MCTP1: variants seen among roughly 807,000 people sequenced by gnomAD.
MCTP1 encodes multiple C2 and transmembrane domain containing 1, also known as multiple C2 and transmembrane domain-containing protein 1.
Under a neutral mutation model 120.6 loss-of-function variants are expected in MCTP1, and 69 were observed. The observed-to-expected ratio is 0.57, with a 90% CI of 0.47 to 0.70. MCTP1 has a LOEUF of 0.70. Ranked by LOEUF, MCTP1 falls within the 30% of genes least tolerant of loss-of-function variation. The pLI, the probability that MCTP1 is intolerant of heterozygous loss-of-function variation, is 0.00. For synonymous variants in MCTP1, 529 were observed against 493.1 expected (o/e 1.07, Z -0.96); for missense variants, 1,203 against 1,248.8 (o/e 0.96, Z 0.55).
chr5:95,139,613 G>T (rs1759743185), intron 1 of MCTP1, among the ~76,000 whole-genome samples: 1 of 152,050 alleles, frequency 6.6e-6, no homozygotes, highest in African/African-American at 2.4e-5. Flanking sequence ...ATAAATTCTT[G>T]CTACTCACCA....
intron 2 of MCTP1, among the ~76,000 whole-genome samples, chr5:94,971,347 G>A (rs955489078): frequency 2.6e-5 from 4 of 151,718 alleles, no homozygotes; most frequent in Non-Finnish European, 5.9e-5. Flanking sequence ...TCCCTTTTAG[G>A]TAAACAATGA....
At chr5:94,871,500 C>A in intron 13 of MCTP1, 83 bp from the exon 14 acceptor site, 1 of 912,944 alleles carries the variant, frequency 1.1e-6, no homozygotes, top group Non-Finnish European at 1.8e-6. Context: ...TTAGATAGCT[C>A]CAGCTGATTT....
intron 18 of MCTP1, among the ~76,000 whole-genome samples, chr5:94,787,781 T>G (rs914740520): frequency 2.6e-5 from 4 of 152,118 alleles, no homozygotes; most frequent in African/African-American, 9.7e-5. Context: ...CGCGCCCGGC[T>G]AATTTTTTTG....
chr5:94,779,004 T>C, intron 19 of MCTP1, 106 bp downstream of exon 19: 1 of 975,190 alleles, frequency 1.0e-6, no homozygotes. Context: ...ACTGTCCAAT[T>C]TTCTGGACTC....
chr5:95,119,968 C>A (rs531187955), intron 1 of MCTP1, among the ~76,000 whole-genome samples: 2 of 151,814 alleles, frequency 1.3e-5, no homozygotes, highest in Non-Finnish European at 1.5e-5. Flanking sequence ...GTCAGGAGAT[C>A]GAGACCATCC....
At chr5:94,780,348 T>A (rs147149416) in intron 18 of MCTP1, among the ~76,000 whole-genome samples, 1 of 152,158 alleles carries the variant, frequency 6.6e-6, no homozygotes, top group African/African-American at 2.4e-5. Context: ...AAGAGTTACA[T>A]AAACTGAGAT....
intron 10 of MCTP1, among the ~76,000 whole-genome samples, chr5:94,900,125 A>G (rs1805119967): frequency 6.6e-6 from 1 of 152,090 alleles, no homozygotes; most frequent in South Asian, 2.1e-4. Flanking sequence ...CTCACTTACA[A>G]CTTATCATTC....
chr5:95,057,035 AG>A (rs1747574251), intron 1 of MCTP1, among the ~76,000 whole-genome samples: 1 of 152,204 alleles, frequency 6.6e-6, no homozygotes, highest in Non-Finnish European at 1.5e-5. Flanking sequence ...TAAGATTAAA[AG>A]GGGATTGAAA....
chr5:95,192,848 C>A (rs1264275008), intron 1 of MCTP1, among the ~76,000 whole-genome samples: 1 of 152,054 alleles, frequency 6.6e-6, no homozygotes, highest in Non-Finnish European at 1.5e-5. Flanking sequence ...ACATTTCCTT[C>A]CTATTTTTCC....
chr5:95,213,966 T>C (rs1407178806), intron 1 of MCTP1, among the ~76,000 whole-genome samples: 3 of 152,056 alleles, frequency 2.0e-5, no homozygotes, highest in Non-Finnish European at 4.4e-5. Context: ...AAGGACTTCA[T>C]GTCTAAAACA....
intron 18 of MCTP1, among the ~76,000 whole-genome samples, chr5:94,780,030 T>C (rs1776239226): frequency 6.6e-6 from 1 of 152,122 alleles, no homozygotes; most frequent in African/African-American, 2.4e-5. Context: ...CATACACATA[T>C]GCATGCCACA....
At chr5:94,759,573 A>G (rs753942039) in intron 19 of MCTP1, among the ~76,000 whole-genome samples, 4 of 152,208 alleles carry the variant, frequency 2.6e-5, no homozygotes, top group Non-Finnish European at 5.9e-5. Context: ...CGTCTAAAAC[A>G]CTTAAAAAGC....
intron 1 of MCTP1, among the ~76,000 whole-genome samples, chr5:95,179,785 G>A (rs760079842): frequency 7.9e-5 from 12 of 151,980 alleles, no homozygotes; most frequent in African/African-American, 1.7e-4. Context: ...AATAAACAAG[G>A]TATTCAGGCA....
At chr5:94,764,285 A>T (rs1029739319) in intron 19 of MCTP1, among the ~76,000 whole-genome samples, 13 of 152,232 alleles carry the variant, frequency 8.5e-5, no homozygotes, top group African/African-American at 2.7e-4. Context: ...GGCAGGTGAC[A>T]TTGTCACCAC....
At chr5:95,130,253 GATTAATACAGTAAGAAA>G (rs565347886) in intron 1 of MCTP1, among the ~76,000 whole-genome samples, 1 of 152,240 alleles carries the variant, frequency 6.6e-6, no homozygotes, top group African/African-American at 2.4e-5. Context: ...GAAGAAGCCT[GATTAATACAGTAAGAAA>G]AACGTGTCTC....
intron 17 of MCTP1, among the ~76,000 whole-genome samples, chr5:94,844,627 T>C (rs1247488616): frequency 1.3e-5 from 2 of 152,120 alleles, no homozygotes; most frequent in Non-Finnish European, 2.9e-5. Flanking sequence ...TAAGAAGGAA[T>C]GAAGGGCATC....
At chr5:95,069,762 A>G (rs540577327) in intron 1 of MCTP1, among the ~76,000 whole-genome samples, 1 of 149,660 alleles carries the variant, frequency 6.7e-6, no homozygotes, top group Admixed American at 6.7e-5. Context: ...GCAGTGGTGC[A>G]ATCTCTGCTC....
At chr5:94,951,619 C>T (rs1468815310) in intron 3 of MCTP1, among the ~76,000 whole-genome samples, 1 of 152,170 alleles carries the variant, frequency 6.6e-6, no homozygotes, top group Non-Finnish European at 1.5e-5. Context: ...CCCACCTCCC[C>T]ACCCCAGAAA....
chr5:95,187,924 A>T (rs1382029584), intron 1 of MCTP1, among the ~76,000 whole-genome samples: 1 of 152,240 alleles, frequency 6.6e-6, no homozygotes, highest in East Asian at 1.9e-4. Context: ...TAGATATCCC[A>T]TTCTCCATGA....
Sources: gnomAD v4.1 joint callset for allele counts (sites outside exome capture counted in the v4.1 genomes callset) on GRCh38, gnomAD v4.1.1 for gene constraint, MANE v1.5 for transcripts, NCBI Gene and HGNC (gene_info 2026-07-23, HGNC 2026-07-21) for gene names.